The following NPHS1 variants were observed in gnomAD, a reference collection of about 807,000 sequenced individuals.
NPHS1 encodes nephrin.
A neutral mutation model predicts 139.7 loss-of-function variants in NPHS1; 107 were observed. The ratio of observed to expected loss-of-function variants is 0.77; its 90% CI spans 0.66 to 0.90. The LOEUF (loss-of-function observed/expected upper bound fraction) is 0.90, where lower values mean the gene tolerates loss of function less well. Ranked by LOEUF, NPHS1 falls within the 40% of genes least tolerant of loss-of-function variation. The pLI, the probability that NPHS1 is intolerant of heterozygous loss-of-function variation, is 0.00. For missense variants in NPHS1, 1,580 were observed against 1,654.2 expected, an observed-to-expected ratio of 0.96 and a Z score of 0.78; for synonymous variants, 707 against 706.6, an observed-to-expected ratio of 1.00 and a Z score of -0.01.
intron 22 of NPHS1, among the ~76,000 whole-genome samples, chr19:35,838,360 C>T (rs903587510): frequency 6.6e-6 from 1 of 151,984 alleles, no homozygotes; most frequent in Admixed American, 6.6e-5. Context: ...CAAGACCAGC[C>T]TGGCCAACAT....
rs376899364 is a variant in NPHS1, at chr19:35,831,378, G to A, written c.3312-7C>T. 16 of 1,613,778 alleles carry A rather than the reference G, an allele frequency of 9.9e-6. No individual in the cohort carries two copies. The African/African-American group carries it at 2.1e-4, about 22-fold the overall frequency. Reference sequence around the variant, plus strand: ...GACTCGGTCCTCTTCCGACCTTCCAGGATGAAGGTGTGGGGGGAAGTTGAG... The same window carrying A: ...GACTCGGTCCTCTTCCGACCTTCCAAGATGAAGGTGTGGGGGGAAGTTGAG... On this transcript the variant is annotated splice_polypyrimidine_tract_variant and splice_region_variant and intron_variant, in intron 25 of 28. Transcript: ENST00000378910.
At position 35,845,524 on chromosome 19, in the gene NPHS1, C is replaced by T; in HGVS notation, c.1774G>A (p.Ala592Thr). Residue 592 changes from alanine to threonine, a missense_variant, in exon 14 of 29, where the codon GCC becomes ACC. Transcript: ENST00000378910. This position sits in a 1 kb window ranked among gnomAD's most constrained non-coding sequence, Gnocchi z 5.5. ...KEGERLEGVA[A>T]PPRRAPFKGS... ...TTGAATGGGGCTCTCCGGGGTGGGGCGGCCACGCCCTCCAGCCTGTGGAAC... is the reference window on the plus strand; with the variant it reads ...TTGAATGGGGCTCTCCGGGGTGGGGTGGCCACGCCCTCCAGCCTGTGGAAC... 2.5e-6 allele frequency: 4 copies of T among 1,603,840 alleles called. No individual in the cohort carries two copies. Among genetic ancestry groups the T allele is most frequent in the Non-Finnish European group, 3.4e-6 (4 of 1,176,346 alleles).
chr19:35,848,071 GC>G lies in NPHS1; in HGVS notation c.1409del (p.Gly470AlafsTer16). The G allele has an allele frequency of 6.2e-7, 1 of 1,613,862 alleles. No homozygotes were observed. The highest frequency in any genetic ancestry group is 8.5e-7 in the Non-Finnish European group (1 of 1,180,016). ...ACCACATGAGGGAGGGCTCTGGGTT[GC>G]CCCCGATAGCCAAACACACCAGCCT... The part of the protein sequence containing the change: ...RVRLVCLAIG[G>X]NPEPSLMWYK... On this transcript the variant is annotated frameshift_variant, in exon 11 of 29. Transcript: ENST00000378910. LOFTEE classifies it high-confidence loss of function.
intron 3 of NPHS1, 80 bp downstream of exon 3, chr19:35,851,182 G>A (rs1973242959): frequency 6.2e-7 from 1 of 1,613,204 alleles, no homozygotes; most frequent in Non-Finnish European, 8.5e-7. Context: ...GGAGAGGCTG[G>A]GGGCTTGGAC....
chr19:35,849,616 C>G lies in NPHS1; in HGVS notation c.646G>C (p.Val216Leu), dbSNP rs34673364. The G allele has an allele frequency of 9.2e-5, 148 of 1,613,998 alleles. No individual in the cohort carries two copies. In the Admixed American group the frequency reaches 2.4e-3, roughly 26 times the overall value. The change falls in exon 6 of 29, where the codon GTC (valine) becomes CTC (leucine). Residue 216 changes from valine (V) to leucine (L), a missense_variant. By Grantham distance (32) the Val-to-Leu change is conservative. Transcript: ENST00000378910. The part of the protein sequence containing the change: ...PRSSDNRQLL[V>L]CEASSPALEA... ...AGTGCTGGGCTAGACGCCTCACAGA[C>G]CAGCAACTGCCTATTATCTGAGCTC...
Position 35,851,528 on chromosome 19 carries a change from C to T in NPHS1, c.203G>A (p.Gly68Glu). The change falls in exon 2 of 29, where the codon GGG becomes GAG. Residue 68 changes from glycine to glutamate, a missense_variant. By Grantham distance (98) the Gly-to-Glu change is moderately conservative. Transcript: ENST00000378910. ...CCTGGGGTCGGGGCCCAGGAGCAGC[C>T]CATCTTTGGCCCATTGCACCGCACT... ...PGSAVQWAKDGLLLGPDPRIP... is the reference protein window; with the variant it reads ...PGSAVQWAKDELLLGPDPRIP... The T allele has an allele frequency of 1.2e-6, 2 of 1,613,762 alleles. No homozygotes were observed. Among genetic ancestry groups the T allele is most frequent in the Non-Finnish European group, 1.7e-6 (2 of 1,179,986 alleles).
At position 35,847,190 on chromosome 19, in the gene NPHS1, C is replaced by T. The variant is rs867793982; in HGVS notation, c.1440+851G>A. 4.1e-4 allele frequency among the ~76,000 whole-genome samples: 62 copies of T among 151,934 alleles called. 1 individual carries two copies. The highest frequency in any genetic ancestry group is 1.4e-3 in the African/African-American group (59 of 41,444). ...CCTCCCGAGTAGCTGGGACTACAGGCACCTGCCACCACGCCTGGCTAATTT... is the reference window on the plus strand; with the variant it reads ...CCTCCCGAGTAGCTGGGACTACAGGTACCTGCCACCACGCCTGGCTAATTT... On this transcript the variant is annotated intron_variant, in intron 11 of 28. Transcript: ENST00000378910.
rs773960831 is a variant in NPHS1 at position 35,851,275 on chromosome 19, G to A, written c.384C>T (p.Ile128=). Residue 128 remains isoleucine (I), a synonymous_variant, in exon 3 of 29, where the codon ATC becomes ATT. Coordinates refer to ENST00000378910, the MANE Select transcript of NPHS1 (RefSeq NM_004646.4). The part of the protein sequence containing the change: ...MGPELVSPRV[I]LSILVPPKLL... ...TCTCACCCATACCCAGGATGGAGAG[G>A]ATCACTCTGGGAGACACGAGCTCGG... The A allele has an allele frequency of 6.2e-7, 1 of 1,614,048 alleles. No individual in the cohort carries two copies.
Position 35,842,539 on chromosome 19 carries a change from C to G in NPHS1, c.2346G>C (p.Glu782Asp), listed in dbSNP as rs1599841870. ...MFNWERLGEDEEDQSLDDMEK... is the reference protein window; with the variant it reads ...MFNWERLGEDDEDQSLDDMEK... ...CCATGTCATCCAGGCTCTGGTCCTC[C>G]TCATCTTCTCCCTGGAGGCCCAAGA... is the stretch of plus-strand genomic sequence containing the variant. The change falls in exon 18 of 29, where the codon GAG becomes GAC. Residue 782 changes from glutamate to aspartate, a missense_variant. By Grantham distance (45) the Glu-to-Asp change is conservative. Transcript: ENST00000378910. The G allele has an allele frequency of 3.7e-6, 6 of 1,614,128 alleles. No homozygotes were observed. The highest frequency in any genetic ancestry group is 5.1e-6 in the Non-Finnish European group (6 of 1,180,026).
In NPHS1 at chr19:35,830,883, C is replaced by T. The variant is rs745445890; in HGVS notation, c.3555G>A (p.Pro1185=). 5.0e-6 allele frequency: 8 copies of T among 1,613,642 alleles called. No homozygotes were observed. Among genetic ancestry groups the T allele is most frequent in the East Asian group, 4.5e-5 (2 of 44,890 alleles). Residue 1185 remains proline, a synonymous_variant, in exon 28 of 29, where the codon CCG becomes CCA. Coordinates refer to ENST00000378910, the MANE Select transcript of NPHS1 (RefSeq NM_004646.4). The stretch of plus-strand genomic sequence containing the variant: ...CGTAGAGGGGTCCCCAGGCTCCAGA[C>T]GGGGGGTACGTTCTTTCTACCTCAT... ...LYDEVERTYP[P]SGAWGPLYDE...
At chr19:35,836,060 A>G in intron 22 of NPHS1, among the ~76,000 whole-genome samples, 1 of 146,484 alleles carries the variant, frequency 6.8e-6, no homozygotes. Context: ...CCCGGGTTCA[A>G]GCAATTCTCC....
Position 35,851,914 on chromosome 19 carries a change from C to T in NPHS1, c.-77G>A, listed in dbSNP as rs1353012698. 8.4e-7 allele frequency: 1 copy of T among 1,188,074 alleles called. No individual in the cohort carries two copies. Among genetic ancestry groups the T allele is most frequent in the Non-Finnish European group, 1.2e-6 (1 of 817,202 alleles). The allele number at this position is 1,188,074 out of a possible 1,614,324, so 73.6% of individuals were successfully genotyped here. ...TCTGTCTGGCTTTCTCTGGGTCCCTCTCTGTGTGTCTCTGCCACCTGCTTT... is the reference window on the plus strand; with the variant it reads ...TCTGTCTGGCTTTCTCTGGGTCCCTTTCTGTGTGTCTCTGCCACCTGCTTT... On this transcript the variant is annotated 5_prime_UTR_variant, in exon 1 of 29. Coordinates refer to ENST00000378910, the MANE Select transcript of NPHS1 (RefSeq NM_004646.4).
rs981916588 is a variant in NPHS1 at position 35,826,102 on chromosome 19, C to A, written c.*412G>T. 36 of 226,638 alleles carry A rather than the reference C, an allele frequency of 1.6e-4. No homozygotes were observed. Among genetic ancestry groups the A allele is most frequent in the Admixed American group, 1.2e-3 (24 of 19,532 alleles). The allele number at this position is 226,638 out of a possible 1,614,324, so 14.0% of individuals were successfully genotyped here. The stretch of plus-strand genomic sequence containing the variant: ...CTGGGACTACAGGCATGCGCCACTA[C>A]TCCTGGCTAATTTTTTATATTTTTA... On this transcript the variant is annotated 3_prime_UTR_variant, in exon 29 of 29. Coordinates refer to ENST00000378910, the MANE Select transcript of NPHS1 (RefSeq NM_004646.4).
chr19:35,840,262 C>T (rs1027495586), intron 20 of NPHS1, among the ~76,000 whole-genome samples: 22 of 152,062 alleles, frequency 1.4e-4, no homozygotes, highest in African/African-American at 5.1e-4. Context: ...GCCTTGGCCT[C>T]CCAAAATGCT....
In NPHS1 at chr19:35,849,370, G is replaced by A. The variant is rs768156620; in HGVS notation, c.713-7C>T. 2.5e-6 allele frequency: 4 copies of A among 1,610,224 alleles called. No individual in the cohort carries two copies. Among genetic ancestry groups the A allele is most frequent in the Non-Finnish European group, 3.4e-6 (4 of 1,178,696 alleles). ...ACAGGGGGTCCTGGAGGGACTGGGG[G>A]ATATCAGTCACTCAGTGGGCCTGGA... On this transcript the variant is annotated splice_region_variant and splice_polypyrimidine_tract_variant and intron_variant, in intron 6 of 28. Transcript: ENST00000378910.
chr19:35,849,529 T>C (rs373508902), intron 6 of NPHS1, 21 bp downstream of exon 6: 40 of 1,606,168 alleles, frequency 2.5e-5, no homozygotes, highest in Non-Finnish European at 3.1e-5. Context: ...AGCGCCCTAG[T>C]TGGCCCAGTT....
chr19:35,845,787 T>C lies in NPHS1; in HGVS notation c.1639A>G (p.Asn547Asp), dbSNP rs1973131003. ...TQLAVQFPPT[N>D]VTILANASAL... The stretch of plus-strand genomic sequence containing the variant: ...GATGCGTTGGCCAGGATCGTCACGT[T>C]AGTTGGGGGAACTGGGAGACGGGGT... The change falls in exon 13 of 29, where the codon AAC becomes GAC. Residue 547 changes from asparagine to aspartate, a missense_variant. Physicochemically the swap from Asn to Asp is conservative, Grantham distance 23. Transcript: ENST00000378910. The surrounding 1 kb of genome is among the most constrained non-coding windows in gnomAD (Gnocchi z 5.5). 1 of 1,612,852 alleles carries C rather than the reference T, an allele frequency of 6.2e-7. No homozygotes were observed. The highest frequency in any genetic ancestry group is 8.5e-7 in the Non-Finnish European group (1 of 1,178,994).
Position 35,849,649 on chromosome 19 carries a change from T to A in NPHS1, c.613A>T (p.Thr205Ser), listed in dbSNP as rs1338171450. The change falls in exon 6 of 29, where the codon ACA becomes TCA. Residue 205 changes from threonine (T) to serine (S), a missense_variant. Physicochemically the swap from Thr to Ser is moderately conservative, Grantham distance 58. Coordinates refer to ENST00000378910, the MANE Select transcript of NPHS1 (RefSeq NM_004646.4). ...TGCCTATTATCTGAGCTCCGGGGTG[T>A]CACCCTGGGATGAGAAGTCAGGGTT... ...LFTVEATARV[T>S]PRSSDNRQLL... 3.1e-6 allele frequency: 5 copies of A among 1,611,222 alleles called. No homozygotes were observed. The highest frequency in any genetic ancestry group is 4.2e-6 in the Non-Finnish European group (5 of 1,177,512).
At chr19:35,843,333 C>A in intron 17 of NPHS1, 139 bp downstream of exon 17, 2 of 1,112,200 alleles carry the variant, frequency 1.8e-6, no homozygotes, top group South Asian at 2.6e-5. Flanking sequence ...AACAGTTATT[C>A]ATTCTGGGAG....
Sources: allele counts gnomAD v4.1 joint callset (sites outside exome capture counted in the v4.1 genomes callset), GRCh38; gene constraint gnomAD v4.1.1; non-coding constraint Gnocchi (gnomAD v3.1); transcripts MANE v1.5; gene names NCBI Gene and HGNC (gene_info 2026-07-23, HGNC 2026-07-21).